Variants in NCOA1 observed in about 807,000 individuals in gnomAD.
NCOA1 encodes nuclear receptor coactivator 1.
In NCOA1, 35 loss-of-function variants were observed where a neutral mutation model predicts 150.9. The ratio of observed to expected loss-of-function variants is 0.23; its 90% confidence interval spans 0.18 to 0.31. NCOA1 has a LOEUF of 0.31. Among genes scored for constraint, NCOA1 ranks in the 10% least tolerant of loss-of-function variants. The pLI is 1.00. For missense variants in NCOA1, 1,491 were observed against 1,749.3 expected, an observed-to-expected ratio of 0.85 and a Z score of 2.63; for synonymous variants, 590 against 630.0, an observed-to-expected ratio of 0.94 and a Z score of 0.95.
At chr2:24,701,356 A>G (rs530293487) in intron 11 of NCOA1, among the ~76,000 whole-genome samples, 3 of 152,132 alleles carry the variant, frequency 2.0e-5, no homozygotes, top group African/African-American at 7.2e-5. Context: ...ATAAAAATAC[A>G]AAAATTAGCT....
chr2:24,578,988 T>C (rs967567571), intron 2 of NCOA1, among the ~76,000 whole-genome samples: 15 of 152,322 alleles, frequency 9.8e-5, no homozygotes, highest in Non-Finnish European at 2.1e-4. Context: ...TTTTGTTCTC[T>C]GCTGTAAAAC....
intron 1 of NCOA1, among the ~76,000 whole-genome samples, chr2:24,553,109 G>T (rs1207601059): frequency 3.9e-5 from 6 of 152,128 alleles, no homozygotes; most frequent in African/African-American, 1.2e-4. Context: ...TTGTGATTAT[G>T]TATAATGTTA....
chr2:24,562,083 AGGG>A (rs1343753204), intron 1 of NCOA1, among the ~76,000 whole-genome samples: 1 of 152,180 alleles, frequency 6.6e-6, no homozygotes, highest in Non-Finnish European at 1.5e-5. Context: ...CTATTATTAA[AGGG>A]GGAGAAATTT....
chr2:24,642,324 T>C lies in NCOA1; in HGVS notation c.-174-1642T>C, dbSNP rs1264500600. Among the ~76,000 whole-genome samples, 8 of 148,342 alleles carry C rather than the reference T, an allele frequency of 5.4e-5. No homozygotes were observed. The East Asian group carries it at 1.6e-3, about 29-fold the overall frequency. On this transcript the variant is annotated intron_variant, in intron 3 of 22. Transcript: ENST00000348332. ...TACCCATTATATGTATATAAATATA[T>C]ATATATATATATTTTTTAAAATCTT... is the stretch of plus-strand genomic sequence containing the variant.
chr2:24,497,489 T>G (rs1663274071), intron 1 of NCOA1, among the ~76,000 whole-genome samples: 1 of 152,038 alleles, frequency 6.6e-6, no homozygotes, highest in African/African-American at 2.4e-5. Context: ...CTGGCCAATA[T>G]GGTGACACCC....
intron 17 of NCOA1, among the ~76,000 whole-genome samples, chr2:24,738,622 A>G (rs543403896): frequency 4.6e-4 from 70 of 152,214 alleles, no homozygotes; most frequent in Non-Finnish European, 8.2e-4. Flanking sequence ...ATTGCATAGT[A>G]TATCCCTTCT....
intron 8 of NCOA1, among the ~76,000 whole-genome samples, chr2:24,689,637 C>T (rs62142346): frequency 1.3e-5 from 2 of 151,986 alleles, no homozygotes; most frequent in East Asian, 1.9e-4. Flanking sequence ...ATGATCTGCC[C>T]GCCTCAGCCT....
At chr2:24,538,408 G>GT in intron 1 of NCOA1, among the ~76,000 whole-genome samples, 1 of 152,322 alleles carries the variant, frequency 6.6e-6, no homozygotes, top group East Asian at 1.9e-4. Flanking sequence ...AAGCAATAGA[G>GT]TAAGTCATTG....
intron 4 of NCOA1, among the ~76,000 whole-genome samples, chr2:24,651,672 T>C (rs989974655): frequency 6.6e-6 from 1 of 152,216 alleles, no homozygotes; most frequent in Middle Eastern, 3.4e-3. Context: ...CATCATGTTG[T>C]AAATCATAAA....
At chr2:24,674,040 C>CT (rs55787872) in intron 7 of NCOA1, among the ~76,000 whole-genome samples, 77,829 of 151,690 alleles carry the variant, frequency 0.51, 21,539 homozygotes, top group Admixed American at 0.66. Context: ...CCTGCATTCT[C>CT]AATATAGATG....
intron 1 of NCOA1, among the ~76,000 whole-genome samples, chr2:24,513,617 C>T (rs144610660): frequency 3.7e-4 from 57 of 152,250 alleles, no homozygotes; most frequent in African/African-American, 1.4e-3. Context: ...CACACGTGTA[C>T]ATATGTGCTT....
At chr2:24,631,001 G>A (rs1481792871) in intron 3 of NCOA1, among the ~76,000 whole-genome samples, 1 of 152,058 alleles carries the variant, frequency 6.6e-6, no homozygotes, top group Non-Finnish European at 1.5e-5. Flanking sequence ...TTCATCTTCA[G>A]TTTGGAAAGC....
At chr2:24,574,355 C>T (rs747018717) in intron 2 of NCOA1, among the ~76,000 whole-genome samples, 1 of 151,932 alleles carries the variant, frequency 6.6e-6, no homozygotes, top group Non-Finnish European at 1.5e-5. Flanking sequence ...ACATATAATT[C>T]CTATGGTGAG....
At chr2:24,639,916 GTATATATATATATATATATATA>G (rs67632791) in intron 3 of NCOA1, among the ~76,000 whole-genome samples, 655 of 29,728 alleles carry the variant, frequency 0.022, 65 homozygotes, top group East Asian at 0.042. Flanking sequence ...ATGTGTGTGT[GTATATATATATATATATATATA>G]TATATATATA....
At chr2:24,696,015 G>A (rs1672885489) in intron 10 of NCOA1, among the ~76,000 whole-genome samples, 1 of 152,134 alleles carries the variant, frequency 6.6e-6, no homozygotes, top group Admixed American at 6.5e-5. Context: ...TCTGACATAA[G>A]AAACAAGGGT....
At chr2:24,594,410 A>G (rs2148341665) in intron 3 of NCOA1, among the ~76,000 whole-genome samples, 1 of 152,114 alleles carries the variant, frequency 6.6e-6, no homozygotes, top group South Asian at 2.1e-4. Flanking sequence ...CAGAGTCATT[A>G]TTTTTCTCAA....
intron 8 of NCOA1, 95 bp from the exon 9 acceptor site, chr2:24,691,386 A>G: frequency 8.9e-7 from 1 of 1,121,618 alleles, no homozygotes; most frequent in Non-Finnish European, 1.3e-6. Flanking sequence ...CTGAGTATCT[A>G]ATTAAGCAGA....
chr2:24,734,559 C>T (rs1014056933), intron 17 of NCOA1, among the ~76,000 whole-genome samples: 1 of 152,008 alleles, frequency 6.6e-6, no homozygotes, highest in Non-Finnish European at 1.5e-5. Flanking sequence ...TTTTGAGAGG[C>T]GTAGGCAGGA....
At chr2:24,654,202 G>A (rs370255723) in intron 4 of NCOA1, among the ~76,000 whole-genome samples, 1 of 152,112 alleles carries the variant, frequency 6.6e-6, no homozygotes, top group Non-Finnish European at 1.5e-5. Flanking sequence ...TTGGTCTTTT[G>A]ACTTTGTTTT....
Sources: allele counts gnomAD v4.1 joint callset (sites outside exome capture counted in the v4.1 genomes callset), GRCh38; gene constraint gnomAD v4.1.1; transcripts MANE v1.5; gene names NCBI Gene and HGNC (gene_info 2026-07-23, HGNC 2026-07-21).